Variants in TACC2 observed in about 807,000 individuals in gnomAD.
The protein encoded by TACC2 is transforming acidic coiled-coil containing protein 2.
A neutral mutation model predicts 227.3 loss-of-function variants in TACC2; 137 were observed. That is an observed-to-expected ratio of 0.60 (90% confidence interval 0.52 to 0.69). TACC2 has a LOEUF of 0.69. TACC2 is among the 30% of genes least tolerant of loss of function. TACC2 has a pLI of 0.00. For synonymous variants in TACC2, 1,523 were observed against 1,487.5 expected (o/e 1.02, Z -0.55); for missense variants, 3,470 against 3,694.4 (o/e 0.94, Z 1.57).
intron 7 of TACC2, among the ~76,000 whole-genome samples, chr10:122,162,549 T>C (rs1000153667): frequency 1.3e-5 from 2 of 152,144 alleles, no homozygotes; most frequent in African/African-American, 4.8e-5. Flanking sequence ...ATGTACAGCA[T>C]GAGGGGATGG....
intron 13 of TACC2, among the ~76,000 whole-genome samples, chr10:122,227,629 A>G (rs1211738523): frequency 6.6e-6 from 1 of 152,208 alleles, no homozygotes; most frequent in Non-Finnish European, 1.5e-5. Flanking sequence ...GTCTGTAGCC[A>G]GTGGCATCTG....
At chr10:122,038,950 G>C (rs1340819958) in intron 2 of TACC2, among the ~76,000 whole-genome samples, 1 of 152,126 alleles carries the variant, frequency 6.6e-6, no homozygotes, top group African/African-American at 2.4e-5. Context: ...GGGGACACAA[G>C]GTTCCTGACT....
chr10:122,197,218 GC>G (rs1390685629), intron 8 of TACC2, among the ~76,000 whole-genome samples: 2 of 148,290 alleles, frequency 1.3e-5, no homozygotes, highest in Non-Finnish European at 3.0e-5. Flanking sequence ...CCGAGACCAT[GC>G]CACTGCACTC....
At chr10:122,243,950 C>T (rs2096059473) in intron 19 of TACC2, among the ~76,000 whole-genome samples, 1 of 152,246 alleles carries the variant, frequency 6.6e-6, no homozygotes, top group African/African-American at 2.4e-5. Context: ...GACATTCCCT[C>T]TTGAAAATTA....
In TACC2 at chr10:122,062,190, G is replaced by A. The variant is rs577766081; in HGVS notation, c.146+11640G>A. Reference sequence around the variant, plus strand: ...TGGGACTACAGGTGCCCGCCACCACGCCTGGCTAATTTTTTGTATTTTTTA... The same window carrying A: ...TGGGACTACAGGTGCCCGCCACCACACCTGGCTAATTTTTTGTATTTTTTA... On this transcript the variant is annotated intron_variant, in intron 3 of 22. Coordinates refer to ENST00000369005, the MANE Select transcript of TACC2 (RefSeq NM_206862.4). Among the ~76,000 whole-genome samples, 4 of 152,124 alleles carry A rather than the reference G, an allele frequency of 2.6e-5. No individual in the cohort carries two copies. The South Asian group carries it at 6.2e-4, about 24-fold the overall frequency.
intron 19 of TACC2, 103 bp from the exon 20 acceptor site, chr10:122,248,540 C>T: frequency 1.5e-6 from 2 of 1,355,510 alleles, no homozygotes; most frequent in Non-Finnish European, 2.1e-6. Context: ...TTTGAGATGC[C>T]CCCACTGGTG....
At chr10:122,059,089 T>G in intron 3 of TACC2, among the ~76,000 whole-genome samples, 1 of 122,642 alleles carries the variant, frequency 8.2e-6, no homozygotes, top group Non-Finnish European at 1.9e-5. Context: ...TTGTTGTTGT[T>G]GTATTTTTAG....
intron 2 of TACC2, among the ~76,000 whole-genome samples, chr10:122,043,235 A>G (rs562315289): frequency 1.2e-4 from 18 of 152,322 alleles, no homozygotes; most frequent in Admixed American, 7.2e-4. Flanking sequence ...TTAGTCTGCC[A>G]CCTACAAACT....
intron 5 of TACC2, among the ~76,000 whole-genome samples, chr10:122,111,636 A>G (rs1351365967): frequency 1.3e-5 from 2 of 150,066 alleles, no homozygotes; most frequent in African/African-American, 4.9e-5. Context: ...GATTACAGGC[A>G]CACACCATCA....
intron 1 of TACC2, among the ~76,000 whole-genome samples, chr10:121,998,287 G>A (rs1210355588): frequency 6.7e-6 from 1 of 149,206 alleles, no homozygotes; most frequent in Non-Finnish European, 1.5e-5. Flanking sequence ...ACTCCAGCCT[G>A]GGTGACACAG....
intron 1 of TACC2, among the ~76,000 whole-genome samples, chr10:122,008,264 A>ATTATTATTATTTTTTTTT: frequency 3.7e-5 from 5 of 134,654 alleles, no homozygotes; most frequent in South Asian, 2.4e-4. Flanking sequence ...TATTATTATT[A>ATTATTATTATTTTTTTTT]TTTTTTTTTT....
chr10:122,115,262 AG>A (rs1421666915), intron 5 of TACC2, among the ~76,000 whole-genome samples: 1 of 143,592 alleles, frequency 7.0e-6, no homozygotes, highest in African/African-American at 2.6e-5. Context: ...TCAAGGAGGT[AG>A]GTAGGTGAGT....
chr10:122,187,146 T>G (rs1490587625), intron 7 of TACC2, among the ~76,000 whole-genome samples: 1 of 152,128 alleles, frequency 6.6e-6, no homozygotes, highest in Non-Finnish European at 1.5e-5. Context: ...AAACTAAGTA[T>G]GTTTGTGTTG....
intron 3 of TACC2, among the ~76,000 whole-genome samples, chr10:122,054,060 T>C (rs1216053099): frequency 6.6e-6 from 1 of 152,184 alleles, no homozygotes; most frequent in Non-Finnish European, 1.5e-5. Flanking sequence ...TGCAGCATGA[T>C]GTAATCTACC....
chr10:122,171,617 T>C (rs2093475757), intron 7 of TACC2, among the ~76,000 whole-genome samples: 1 of 152,272 alleles, frequency 6.6e-6, no homozygotes, highest in Non-Finnish European at 1.5e-5. Context: ...ACTTAGGCCT[T>C]TCCGGCTAGT....
At chr10:122,131,614 A>G (rs2088121732) in intron 5 of TACC2, among the ~76,000 whole-genome samples, 1 of 152,248 alleles carries the variant, frequency 6.6e-6, no homozygotes, top group African/African-American at 2.4e-5. Flanking sequence ...CCTTGGCACT[A>G]TTGATGTTCT....
intron 8 of TACC2, among the ~76,000 whole-genome samples, chr10:122,197,942 G>T (rs928663615): frequency 6.6e-6 from 1 of 152,258 alleles, no homozygotes; most frequent in African/African-American, 2.4e-5. Context: ...TGTAGGAGAA[G>T]AAAGATTTGT....
At position 122,084,514 on chromosome 10, in the gene TACC2, C is replaced by G; in HGVS notation, c.2014C>G (p.Pro672Ala). 2 of 1,613,560 alleles carry G rather than the reference C, an allele frequency of 1.2e-6. No individual in the cohort carries two copies. The highest frequency in any genetic ancestry group is 1.7e-6 in the Non-Finnish European group (2 of 1,180,010). ...GGGTGAGGAGGACCCCGTCCTGCCC[C>G]CTGTGCCAGATGGAGCTGGTGAGCC... Reference protein sequence around the residue: ...KLGEEDPVLPPVPDGAGEPTV... With the variant: ...KLGEEDPVLPAVPDGAGEPTV... Residue 672 changes from proline to alanine, a missense_variant, in exon 4 of 23, where the codon CCT (proline) becomes GCT (alanine). Around this residue, in one of 10 missense-constraint regions of TACC2, gnomAD observed 1,924 missense variants for 1,978.3 expected, o/e 0.97. Transcript: ENST00000369005.
chr10:122,168,858 G>A (rs908520359), intron 7 of TACC2, among the ~76,000 whole-genome samples: 1 of 152,222 alleles, frequency 6.6e-6, no homozygotes, highest in African/African-American at 2.4e-5. Context: ...ATGATTGGCT[G>A]TTCTTGCAGA....
Sources: gnomAD v4.1 joint callset for allele counts (sites outside exome capture counted in the v4.1 genomes callset) on GRCh38, gnomAD v4.1.1 for gene constraint, gnomAD v4.1.1 regional missense constraint, MANE v1.5 for transcripts, NCBI Gene and HGNC (gene_info 2026-07-23, HGNC 2026-07-21) for gene names.